Variants in DLGAP2 observed in about 807,000 individuals in gnomAD.
DLGAP2 encodes disks large-associated protein 2.
In DLGAP2, 26 loss-of-function variants were observed where a neutral mutation model predicts 100.3. The ratio of observed to expected loss-of-function variants is 0.26; its 90% CI spans 0.19 to 0.36. The LOEUF (loss-of-function observed/expected upper bound fraction) is 0.36, where lower values mean the gene tolerates loss of function less well. Among genes scored for constraint, DLGAP2 ranks in the 10% least tolerant of loss-of-function variants. The pLI, the probability that DLGAP2 is intolerant of heterozygous loss-of-function variation, is 1.00. For synonymous variants in DLGAP2, 886 were observed against 630.1 expected (o/e 1.41, Z -6.08); for missense variants, 1,858 against 1,453.2 (o/e 1.28, Z -4.53).
At position 901,788 on chromosome 8, in the gene DLGAP2, C is replaced by T. The variant is rs531102905; in HGVS notation, c.19-6124C>T. Among the ~76,000 whole-genome samples the T allele has an allele frequency of 1.2e-4, 18 of 152,332 alleles. No homozygotes were observed. The South Asian group carries it at 3.7e-3, about 32-fold the overall frequency. ...TTCTCCTGACGCTTGAGCTTGAACCCTCCCAGGCTCATCAACAAGCATCTC... is the reference window on the plus strand; with the variant it reads ...TTCTCCTGACGCTTGAGCTTGAACCTTCCCAGGCTCATCAACAAGCATCTC... On this transcript the variant is annotated intron_variant, in intron 1 of 14. Coordinates refer to ENST00000637795, the MANE Select transcript of DLGAP2 (RefSeq NM_001346810.2).
intron 8 of DLGAP2, among the ~76,000 whole-genome samples, chr8:1,644,657 C>G (rs1467090132): frequency 1.3e-5 from 2 of 152,210 alleles, no homozygotes; most frequent in East Asian, 3.8e-4. Context: ...CAAACAGAAT[C>G]TCGATGTACA....
chr8:1,553,302 C>T (rs2130532578), intron 5 of DLGAP2, among the ~76,000 whole-genome samples: 1 of 152,356 alleles, frequency 6.6e-6, no homozygotes, highest in East Asian at 1.9e-4. Flanking sequence ...CGTCGCCCGG[C>T]CGCAACCCTG....
chr8:1,687,595 T>C (rs1799148534), intron 12 of DLGAP2, among the ~76,000 whole-genome samples: 1 of 152,206 alleles, frequency 6.6e-6, no homozygotes, highest in Non-Finnish European at 1.5e-5. Flanking sequence ...TCATTATCTC[T>C]CCCTAGCAAT....
chr8:1,153,170 T>A (rs968377924), intron 2 of DLGAP2, among the ~76,000 whole-genome samples: 1 of 152,174 alleles, frequency 6.6e-6, no homozygotes, highest in Non-Finnish European at 1.5e-5. Context: ...CCCCTCAGTT[T>A]CCAGGCTCCG....
At chr8:1,479,178 A>AG (rs1353831899) in intron 3 of DLGAP2, among the ~76,000 whole-genome samples, 3 of 152,244 alleles carry the variant, frequency 2.0e-5, no homozygotes, top group African/African-American at 7.2e-5. Flanking sequence ...GAAAGGAGAG[A>AG]GGCTGTGAGT....
intron 12 of DLGAP2, among the ~76,000 whole-genome samples, chr8:1,690,959 G>C (rs948374254): frequency 6.6e-6 from 1 of 151,998 alleles, no homozygotes; most frequent in Non-Finnish European, 1.5e-5. Context: ...TACGTGCTAC[G>C]ACCTTCCTGT....
intron 2 of DLGAP2, among the ~76,000 whole-genome samples, chr8:973,925 C>A (rs1313766836): frequency 1.3e-5 from 2 of 151,160 alleles, no homozygotes; most frequent in Non-Finnish European, 1.5e-5. Flanking sequence ...GCCACCCCGG[C>A]TGGAGAGCGC....
At chr8:946,610 A>G (rs75827169) in intron 2 of DLGAP2, among the ~76,000 whole-genome samples, 17,639 of 152,148 alleles carry the variant, frequency 0.12, 1,522 homozygotes, top group Admixed American at 0.27. Context: ...CAGAGTGACT[A>G]GATAGGGGTT....
chr8:845,151 A>G (rs973324738), intron 1 of DLGAP2, among the ~76,000 whole-genome samples: 2 of 152,154 alleles, frequency 1.3e-5, no homozygotes, highest in African/African-American at 4.8e-5. Context: ...TTGCGTGAAC[A>G]TATGTCTTTA....
At chr8:969,035 G>T (rs949446808) in intron 2 of DLGAP2, among the ~76,000 whole-genome samples, 1 of 152,156 alleles carries the variant, frequency 6.6e-6, no homozygotes, top group African/African-American at 2.4e-5. Flanking sequence ...TGGGCCATGG[G>T]GTTCCCAGGC....
At position 1,706,051 on chromosome 8, in the gene DLGAP2, G is replaced by A. The variant is rs536466068; in HGVS notation, c.*4645G>A. ...TTCCCTGCAGGAGCCCCATCTTGTC[G>A]CTATTAGTTGGGAGTTGCAATACAT... On this transcript the variant is annotated 3_prime_UTR_variant, in exon 15 of 15. Coordinates refer to ENST00000637795, the MANE Select transcript of DLGAP2 (RefSeq NM_001346810.2). 1.3e-5 allele frequency: 2 copies of A among 152,280 alleles called. No individual in the cohort carries two copies. The highest frequency in any genetic ancestry group is 6.5e-5 in the Admixed American group (1 of 15,298). 9.4% of individuals were successfully genotyped at this position (152,280 alleles called of 1,614,324 possible).
In DLGAP2 at chr8:881,666, A is replaced by ATATATATAT; in HGVS notation, c.19-26246_19-26245insTATATATAT. ...AGGCGCACGCCACCACTTGTGGCTG[A>ATATATATAT]ACACACACACACACACTTTTTTTTT... is the stretch of plus-strand genomic sequence containing the variant. On this transcript the variant is annotated intron_variant, in intron 1 of 14. Coordinates refer to ENST00000637795, the MANE Select transcript of DLGAP2 (RefSeq NM_001346810.2). 1.1e-4 allele frequency among the ~76,000 whole-genome samples: 14 copies of ATATATATAT among 131,054 alleles called. 1 individual carries two copies. The highest frequency in any genetic ancestry group is 2.4e-4 in the African/African-American group (9 of 36,752). The allele number at this position is 131,054 out of a possible 152,430, so 86.0% of individuals were successfully genotyped here.
rs58045865 is a variant in DLGAP2, at chr8:1,499,116, A to G, written c.107-2250A>G. On this transcript the variant is annotated intron_variant, in intron 3 of 14. Coordinates refer to ENST00000637795, the MANE Select transcript of DLGAP2 (RefSeq NM_001346810.2). ...TGACCTTCAAACGTCCCCACTCCTC[A>G]TTCTTGGAGTGCTGTTCTCAAGATA... Among the ~76,000 whole-genome samples the G allele has an allele frequency of 5.6e-3, 857 of 152,328 alleles. 10 individuals are homozygous for G. Among genetic ancestry groups the G allele is most frequent in the African/African-American group, 0.019 (782 of 41,576 alleles).
chr8:1,682,526 G>A (rs909602527), intron 12 of DLGAP2, among the ~76,000 whole-genome samples: 1 of 151,426 alleles, frequency 6.6e-6, no homozygotes, highest in Non-Finnish European at 1.5e-5. Flanking sequence ...CCAGGCTGGA[G>A]TGCAATGGCA....
intron 3 of DLGAP2, among the ~76,000 whole-genome samples, chr8:1,268,087 A>C (rs932212440): frequency 1.8e-4 from 27 of 152,250 alleles, no homozygotes; most frequent in African/African-American, 6.3e-4. Flanking sequence ...GCAGAATGAT[A>C]TAAAATTCAC....
intron 1 of DLGAP2, among the ~76,000 whole-genome samples, chr8:878,621 A>G (rs1222797459): frequency 6.6e-6 from 1 of 152,048 alleles, no homozygotes; most frequent in Non-Finnish European, 1.5e-5. Context: ...TCCCCAGTGT[A>G]ATGGTGTTGA....
At chr8:1,333,538 C>G (rs1801205481) in intron 3 of DLGAP2, among the ~76,000 whole-genome samples, 1 of 152,138 alleles carries the variant, frequency 6.6e-6, no homozygotes, top group Admixed American at 6.5e-5. Flanking sequence ...CCCGTGAGTC[C>G]TGTGTGCAGG....
At position 1,066,611 on chromosome 8, in the gene DLGAP2, G is replaced by C. The variant is rs189438173; in HGVS notation, c.73+158645G>C. On this transcript the variant is annotated intron_variant, in intron 2 of 14. Coordinates refer to ENST00000637795, the MANE Select transcript of DLGAP2 (RefSeq NM_001346810.2). ...CCATGGTCAGGTCTGAGTGAGGGCAGCTCCCCACCACGGTCAGGTCTGAGT... is the reference window on the plus strand; with the variant it reads ...CCATGGTCAGGTCTGAGTGAGGGCACCTCCCCACCACGGTCAGGTCTGAGT... Among the ~76,000 whole-genome samples the C allele has an allele frequency of 1.9e-4, 29 of 151,904 alleles. No homozygotes were observed. The East Asian group carries it at 5.3e-3, about 28-fold the overall frequency.
intron 4 of DLGAP2, among the ~76,000 whole-genome samples, chr8:1,545,080 G>C (rs933145904): frequency 6.6e-6 from 1 of 152,050 alleles, no homozygotes; most frequent in African/African-American, 2.4e-5. Context: ...TTAATCTATA[G>C]TTTTCTTTTC....
Sources: allele counts gnomAD v4.1 joint callset (sites outside exome capture counted in the v4.1 genomes callset), GRCh38; gene constraint gnomAD v4.1.1; transcripts MANE v1.5; gene names NCBI Gene and HGNC (gene_info 2026-07-23, HGNC 2026-07-21).